Variants in ZNF367 observed in about 807,000 individuals in gnomAD.
The protein encoded by ZNF367 is zinc finger protein 367, also known as C2H2 zinc finger protein ZFF29.
In ZNF367, 11 loss-of-function variants were observed where a neutral mutation model predicts 31.8. The ratio of observed to expected loss-of-function variants is 0.35; its 90% confidence interval spans 0.22 to 0.57. ZNF367 has a LOEUF of 0.57. Among genes scored for constraint, ZNF367 ranks in the 20% least tolerant of loss-of-function variants. The pLI is 0.85. For missense variants in ZNF367, 353 were observed against 484.1 expected, an observed-to-expected ratio of 0.73 and a Z score of 2.54; for synonymous variants, 199 against 202.4, an observed-to-expected ratio of 0.98 and a Z score of 0.14.
Position 96,417,927 on chromosome 9 carries a change from T to G in ZNF367, c.106A>C (p.Arg36=). Residue 36 remains arginine (R), a synonymous_variant, in exon 1 of 5, where the codon AGG becomes CGG. Transcript: ENST00000375256. This position sits in a 1 kb window ranked among gnomAD's most constrained non-coding sequence, Gnocchi z 5.0. ...SPKRVLVSVI[R]TTPIKPTCGG... is the part of the protein sequence containing the mutation. ...CACGTTGGCTTGATCGGGGTCGTCC[T>G]GATGACCGACACCAGCACCCGCTTC... 6.6e-7 allele frequency: 1 copy of G among 1,515,012 alleles called. No individual in the cohort carries two copies. The highest frequency in any genetic ancestry group is 8.8e-7 in the Non-Finnish European group (1 of 1,139,074). 93.8% of individuals were successfully genotyped at this position (1,515,012 alleles called of 1,614,324 possible).
At chr9:96,392,365 T>C (rs749977285) in intron 4 of ZNF367, 33 bp downstream of exon 4, 3 of 1,613,984 alleles carry the variant, frequency 1.9e-6, no homozygotes, top group South Asian at 2.2e-5. Flanking sequence ...GCGCTGTGCA[T>C]CTTCACGGTG....
chr9:96,394,786 A>G, intron 3 of ZNF367, 37 bp downstream of exon 3: 1 of 1,598,642 alleles, frequency 6.3e-7, no homozygotes, highest in Non-Finnish European at 8.5e-7. Flanking sequence ...TTAAGTCACA[A>G]CTAGTTATTC....
intron 1 of ZNF367, among the ~76,000 whole-genome samples, chr9:96,400,935 T>C (rs1169087106): frequency 1.3e-5 from 2 of 152,196 alleles, no homozygotes; most frequent in African/African-American, 4.8e-5. Flanking sequence ...AGCAAGAAAG[T>C]AGTGACTTGG....
rs1388725567 is a variant in ZNF367, at chr9:96,418,336, C to G, written c.-304G>C. 5.4e-6 allele frequency: 2 copies of G among 368,778 alleles called. No individual in the cohort carries two copies. Among genetic ancestry groups the G allele is most frequent in the Non-Finnish European group, 9.6e-6 (2 of 208,382 alleles). The allele number at this position is 368,778 out of a possible 1,614,324, so 22.8% of individuals were successfully genotyped here. ...TGACAGGAAAGCAGGACGCGCGGCG[C>G]TGAGCCCCCAAAAATAACAACCTGC... is the stretch of plus-strand genomic sequence containing the variant. On this transcript the variant is annotated 5_prime_UTR_variant, in exon 1 of 5. Coordinates refer to ENST00000375256, the MANE Select transcript of ZNF367 (RefSeq NM_153695.4).
At chr9:96,391,177 G>GC (rs1831468117) in intron 4 of ZNF367, among the ~76,000 whole-genome samples, 1 of 152,060 alleles carries the variant, frequency 6.6e-6, no homozygotes, top group Non-Finnish European at 1.5e-5. Context: ...ATTTATCAAG[G>GC]CCCAGAAGCT....
At chr9:96,414,320 A>G (rs965970182) in intron 1 of ZNF367, among the ~76,000 whole-genome samples, 1 of 152,250 alleles carries the variant, frequency 6.6e-6, no homozygotes, top group Non-Finnish European at 1.5e-5. Context: ...TTACCAAATA[A>G]TTTATGAAAG....
intron 1 of ZNF367, among the ~76,000 whole-genome samples, chr9:96,403,115 G>A (rs1831628556): frequency 6.6e-6 from 1 of 152,006 alleles, no homozygotes; most frequent in African/African-American, 2.4e-5. Context: ...GACTATAGGT[G>A]TGTGCCACCA....
chr9:96,418,209 C>A lies in ZNF367; in HGVS notation c.-177G>T. The A allele has an allele frequency of 6.1e-6, 6 of 975,920 alleles. No homozygotes were observed. Among genetic ancestry groups the A allele is most frequent in the Non-Finnish European group, 8.0e-6 (6 of 749,926 alleles). The allele number at this position is 975,920 out of a possible 1,614,324, so 60.5% of individuals were successfully genotyped here. A position where few individuals can be genotyped will look rare whatever the true frequency, so the allele number is the denominator to read the frequency against. On this transcript the variant is annotated 5_prime_UTR_variant, in exon 1 of 5. Transcript: ENST00000375256. The stretch of plus-strand genomic sequence containing the variant: ...TAGTTGAGCAGACGGCACCGGCGGG[C>A]AGGGCTGGACCCCAGCCCCAGGTCA...
Position 96,417,858 on chromosome 9 carries a change from TG to T in ZNF367, c.174del (p.Thr59ProfsTer22). 6.6e-7 allele frequency: 1 copy of T among 1,516,476 alleles called. No homozygotes were observed. The highest frequency in any genetic ancestry group is 8.8e-7 in the Non-Finnish European group (1 of 1,140,532). 93.9% of individuals were successfully genotyped at this position (1,516,476 alleles called of 1,614,324 possible). A position where few individuals can be genotyped will look rare whatever the true frequency, so the allele number is the denominator to read the frequency against. On this transcript the variant is annotated frameshift_variant, in exon 1 of 5. Coordinates refer to ENST00000375256, the MANE Select transcript of ZNF367 (RefSeq NM_153695.4). LOFTEE classifies it high-confidence loss of function. The surrounding 1 kb of genome is among the most constrained non-coding windows in gnomAD (Gnocchi z 5.0). ...GEPEPPPPLI[P>X]TSPGFSDFMV... ...ATGAAGTCGCTGAAGCCGGGGCTGG[TG>T]GGGATGAGCGGCGGCGGCGGCTCCG...
At chr9:96,391,110 C>T (rs896730310) in intron 4 of ZNF367, among the ~76,000 whole-genome samples, 14 of 152,148 alleles carry the variant, frequency 9.2e-5, no homozygotes, top group African/African-American at 2.7e-4. Flanking sequence ...TTCCAGATTC[C>T]ATTATATAAT....
At position 96,417,868 on chromosome 9, in the gene ZNF367, C is replaced by G. The variant is rs769374803; in HGVS notation, c.165G>C (p.Pro55=). The G allele has an allele frequency of 1.3e-6, 2 of 1,498,118 alleles. No individual in the cohort carries two copies. The highest frequency in any genetic ancestry group is 4.6e-5 in the Admixed American group (2 of 43,350). The allele number at this position is 1,498,118 out of a possible 1,614,324, so 92.8% of individuals were successfully genotyped here. ...GGGGEPEPPP[P]LIPTSPGFSD... ...TGAAGCCGGGGCTGGTGGGGATGAGCGGCGGCGGCGGCTCCGGCTCCCCTC... is the reference window on the plus strand; with the variant it reads ...TGAAGCCGGGGCTGGTGGGGATGAGGGGCGGCGGCGGCTCCGGCTCCCCTC... The change falls in exon 1 of 5, where the codon CCG becomes CCC. Residue 55 remains proline (P), a synonymous_variant. Transcript: ENST00000375256. The surrounding 1 kb of genome is among the most constrained non-coding windows in gnomAD (Gnocchi z 5.0).
intron 3 of ZNF367, among the ~76,000 whole-genome samples, chr9:96,393,884 A>G (rs74375125): frequency 0.025 from 3,860 of 152,326 alleles, 72 homozygotes; most frequent in Middle Eastern, 0.054. Flanking sequence ...ACCATTGCAT[A>G]TAGGCTTAAG....
At position 96,415,479 on chromosome 9, in the gene ZNF367, ATTTTTTTTTTTTTTTTT is replaced by A. The variant is rs56349404; in HGVS notation, c.420+2117_420+2133del. Among the ~76,000 whole-genome samples, 33 of 37,784 alleles carry A rather than the reference ATTTTTTTTTTTTTTTTT, an allele frequency of 8.7e-4. No individual in the cohort carries two copies. In the East Asian group the frequency reaches 0.012, roughly 14 times the overall value. 24.8% of individuals were successfully genotyped at this position (37,784 alleles called of 152,430 possible). ...CAACGCTTCTATCGTTAGTTTCTTCATTTTTTTTTTTTTTTTTTTTTTTTTTTTTTTTTTTTGAGACG... is the reference window on the plus strand; with the variant it reads ...CAACGCTTCTATCGTTAGTTTCTTCATTTTTTTTTTTTTTTTTTTGAGACG... On this transcript the variant is annotated intron_variant, in intron 1 of 4. Transcript: ENST00000375256.
In ZNF367 at chr9:96,418,214, C is replaced by G. The variant is rs1831862961; in HGVS notation, c.-182G>C. 4 of 934,440 alleles carry G rather than the reference C, an allele frequency of 4.3e-6. No individual in the cohort carries two copies. The highest frequency in any genetic ancestry group is 4.2e-6 in the Non-Finnish European group (3 of 713,416). The allele number at this position is 934,440 out of a possible 1,614,324, so 57.9% of individuals were successfully genotyped here. A position where few individuals can be genotyped will look rare whatever the true frequency, so the allele number is the denominator to read the frequency against. ...GAGCAGACGGCACCGGCGGGCAGGG[C>G]TGGACCCCAGCCCCAGGTCAAGCGC... On this transcript the variant is annotated 5_prime_UTR_variant, in exon 1 of 5. Coordinates refer to ENST00000375256, the MANE Select transcript of ZNF367 (RefSeq NM_153695.4).
At chr9:96,405,588 G>A (rs983102397) in intron 1 of ZNF367, among the ~76,000 whole-genome samples, 34 of 151,908 alleles carry the variant, frequency 2.2e-4, no homozygotes, top group African/African-American at 7.5e-4. Flanking sequence ...CATACACAAT[G>A]GAATATGTAT....
In ZNF367 at chr9:96,417,677, G is replaced by A; in HGVS notation, c.356C>T (p.Ser119Phe). The change falls in exon 1 of 5, where the codon TCC becomes TTC. Residue 119 changes from serine (S) to phenylalanine (F), a missense_variant. Physicochemically the swap from Ser to Phe is radical, Grantham distance 155. This residue lies in a region of ZNF367 where 70 missense variants were observed against 57.1 expected (regional missense o/e 1.23). Transcript: ENST00000375256. The surrounding 1 kb of genome is among the most constrained non-coding windows in gnomAD (Gnocchi z 5.0). Reference sequence around the variant, plus strand: ...GTCCTCACCTCCCGAGGCGGCGGCGGAGGCCGAGGCGGCGGGCGGGGGCGC... The same window carrying A: ...GTCCTCACCTCCCGAGGCGGCGGCGAAGGCCGAGGCGGCGGGCGGGGGCGC... ...RGAPPPAASA[S>F]AAASGGEDEE... The A allele has an allele frequency of 9.1e-7, 1 of 1,094,720 alleles. No individual in the cohort carries two copies. The highest frequency in any genetic ancestry group is 4.5e-5 in the South Asian group (1 of 21,990). 67.8% of individuals were successfully genotyped at this position (1,094,720 alleles called of 1,614,324 possible).
chr9:96,398,017 G>A, intron 2 of ZNF367, 147 bp downstream of exon 2: 1 of 652,596 alleles, frequency 1.5e-6, no homozygotes, highest in Non-Finnish European at 2.3e-6. Flanking sequence ...TTGAACCCAG[G>A]AGGCGGAGCT....
At chr9:96,405,563 A>ATATTG (rs1831662570) in intron 1 of ZNF367, among the ~76,000 whole-genome samples, 1 of 152,146 alleles carries the variant, frequency 6.6e-6, no homozygotes, top group Non-Finnish European at 1.5e-5. Flanking sequence ...TCGATATCAT[A>ATATTG]TATATATACA....
chr9:96,399,577 AGAGGCT>A (rs983630425), intron 1 of ZNF367, among the ~76,000 whole-genome samples: 2 of 152,166 alleles, frequency 1.3e-5, no homozygotes, highest in African/African-American at 4.8e-5. Context: ...CAGCACTTTG[AGAGGCT>A]GAGGCCAGTG....
Sources: allele counts gnomAD v4.1 joint callset (sites outside exome capture counted in the v4.1 genomes callset), GRCh38; gene constraint gnomAD v4.1.1; regional missense constraint gnomAD v4.1.1; non-coding constraint Gnocchi (gnomAD v3.1); transcripts MANE v1.5; gene names NCBI Gene and HGNC (gene_info 2026-07-23, HGNC 2026-07-21).